The following BTBD9 variants were observed in gnomAD, a reference collection of about 807,000 sequenced individuals.
BTBD9 encodes the protein BTB/POZ domain-containing protein 9.
BTBD9 carries 49 observed loss-of-function variants against 64.3 expected under a neutral mutation model. The ratio of observed to expected loss-of-function variants is 0.76; its 90% CI spans 0.61 to 0.97. BTBD9 has a LOEUF of 0.97. Among genes scored for constraint, BTBD9 ranks in the 50% least tolerant of loss-of-function variants. The pLI, the probability that BTBD9 is intolerant of heterozygous loss-of-function variation, is 0.00. For missense variants in BTBD9, 598 were observed against 762.1 expected (o/e 0.78, Z 2.53); for synonymous variants, 260 against 274.7 (o/e 0.95, Z 0.53).
intron 6 of BTBD9, among the ~76,000 whole-genome samples, chr6:38,372,807 A>C (rs1411814197): frequency 3.3e-5 from 5 of 152,122 alleles, no homozygotes; most frequent in Admixed American, 3.3e-4. Context: ...ACACATCCAA[A>C]TGCCTTCCAT....
intron 6 of BTBD9, among the ~76,000 whole-genome samples, chr6:38,428,655 T>C (rs1020888320): frequency 2.6e-5 from 4 of 151,680 alleles, no homozygotes; most frequent in African/African-American, 4.9e-5. Flanking sequence ...AATGAATGGT[T>C]CCCAAACAAC....
intron 9 of BTBD9, among the ~76,000 whole-genome samples, chr6:38,222,832 G>A (rs1407442713): frequency 6.6e-6 from 1 of 152,216 alleles, no homozygotes; most frequent in East Asian, 1.9e-4. Flanking sequence ...AAGGAGGTTT[G>A]TAGCCTCACA....
intron 6 of BTBD9, among the ~76,000 whole-genome samples, chr6:38,511,929 A>G (rs1404876140): frequency 6.6e-6 from 1 of 152,136 alleles, no homozygotes; most frequent in East Asian, 1.9e-4. Flanking sequence ...AGCTCAGAGT[A>G]GGAATTTTGA....
intron 4 of BTBD9, 114 bp downstream of exon 4, chr6:38,592,461 AC>A: frequency 1.8e-6 from 2 of 1,113,890 alleles, no homozygotes; most frequent in Non-Finnish European, 2.6e-6. Flanking sequence ...CTGTTTATAA[AC>A]GTACATATTT....
At chr6:38,507,899 T>C (rs918596663) in intron 6 of BTBD9, among the ~76,000 whole-genome samples, 1 of 150,006 alleles carries the variant, frequency 6.7e-6, no homozygotes, top group African/African-American at 2.5e-5. Flanking sequence ...AGTGGCGCGA[T>C]CTCGGCTCAC....
intron 6 of BTBD9, among the ~76,000 whole-genome samples, chr6:38,508,424 C>T (rs1330081983): frequency 6.6e-6 from 1 of 152,098 alleles, no homozygotes; most frequent in Non-Finnish European, 1.5e-5. Flanking sequence ...TCAGTGTGTT[C>T]TACAAATGAA....
chr6:38,469,961 T>C (rs1770572914), intron 6 of BTBD9, among the ~76,000 whole-genome samples: 1 of 152,196 alleles, frequency 6.6e-6, no homozygotes, highest in South Asian at 2.1e-4. Context: ...CAAAATTTTA[T>C]CACTGTCAGA....
At chr6:38,377,569 C>T (rs1765741507) in intron 6 of BTBD9, among the ~76,000 whole-genome samples, 1 of 152,142 alleles carries the variant, frequency 6.6e-6, no homozygotes, top group Non-Finnish European at 1.5e-5. Context: ...AGAACATGCA[C>T]AGGTGCATAC....
intron 8 of BTBD9, among the ~76,000 whole-genome samples, chr6:38,265,091 G>A (rs948675830): frequency 1.3e-5 from 2 of 151,972 alleles, no homozygotes; most frequent in Non-Finnish European, 2.9e-5. Flanking sequence ...GGGAAGAAAC[G>A]ATGGCACTGA....
chr6:38,359,903 G>A (rs1156686923), intron 6 of BTBD9, among the ~76,000 whole-genome samples: 1 of 149,008 alleles, frequency 6.7e-6, no homozygotes, highest in Non-Finnish European at 1.5e-5. Context: ...TTGGACCTCT[G>A]TTTTCATTGA....
At chr6:38,533,986 G>T (rs951159015) in intron 6 of BTBD9, among the ~76,000 whole-genome samples, 1 of 151,716 alleles carries the variant, frequency 6.6e-6, no homozygotes, top group African/African-American at 2.4e-5. Context: ...TTAAAAAAGA[G>T]CAAATCAAAC....
chr6:38,341,997 G>T (rs1237130901), intron 7 of BTBD9, among the ~76,000 whole-genome samples: 1 of 152,158 alleles, frequency 6.6e-6, no homozygotes, highest in Non-Finnish European at 1.5e-5. Flanking sequence ...CATAAAAATG[G>T]GAAAGAACCC....
At chr6:38,621,570 T>C (rs898207953) in intron 1 of BTBD9, among the ~76,000 whole-genome samples, 1 of 152,168 alleles carries the variant, frequency 6.6e-6, no homozygotes, top group African/African-American at 2.4e-5. Context: ...TAGTGGTGCT[T>C]ACCCAAGCCT....
At chr6:38,193,714 C>T (rs1380955075) in intron 9 of BTBD9, 10 of 663,002 alleles carry the variant, frequency 1.5e-5, no homozygotes, top group Admixed American at 6.6e-5. Flanking sequence ...ATCCCTCCTC[C>T]GCTCTCACAG....
intron 6 of BTBD9, among the ~76,000 whole-genome samples, chr6:38,427,021 G>A (rs1440124527): frequency 1.3e-5 from 2 of 151,732 alleles, no homozygotes; most frequent in African/African-American, 4.9e-5. Flanking sequence ...TCTACGTTCT[G>A]TATCCTACAT....
chr6:38,256,803 T>C (rs957669042), intron 8 of BTBD9, among the ~76,000 whole-genome samples: 3 of 152,220 alleles, frequency 2.0e-5, no homozygotes, highest in Non-Finnish European at 4.4e-5. Flanking sequence ...CCAGATCACC[T>C]TTCCAGCTTC....
At chr6:38,452,648 G>C (rs964931968) in intron 6 of BTBD9, among the ~76,000 whole-genome samples, 23 of 151,970 alleles carry the variant, frequency 1.5e-4, no homozygotes, top group Admixed American at 1.5e-3. Flanking sequence ...AACATATGAA[G>C]AGTAGAAAGG....
chr6:38,402,788 C>T, intron 6 of BTBD9: 1 of 699,826 alleles, frequency 1.4e-6, no homozygotes, highest in Non-Finnish European at 2.6e-6. Context: ...CCTAAATCAG[C>T]AAGACTTGGT....
At position 38,171,003 on chromosome 6, in the gene BTBD9, T is replaced by A. The variant is rs1766734166; in HGVS notation, c.*3982A>T. On this transcript the variant is annotated 3_prime_UTR_variant, in exon 11 of 11. Coordinates refer to ENST00000481247, the MANE Select transcript of BTBD9 (RefSeq NM_001099272.2). ...TCCTGGAAGGAAGCAAATTTAATTT[T>A]CTTTTCCTCTTTGACACCTTTCTTC... 1 of 152,296 alleles carries A rather than the reference T, an allele frequency of 6.6e-6. No individual in the cohort carries two copies. Among genetic ancestry groups the A allele is most frequent in the Non-Finnish European group, 1.5e-5 (1 of 68,054 alleles). 9.4% of individuals were successfully genotyped at this position (152,296 alleles called of 1,614,324 possible).
Sources: allele counts gnomAD v4.1 joint callset (sites outside exome capture counted in the v4.1 genomes callset), GRCh38; gene constraint gnomAD v4.1.1; transcripts MANE v1.5; gene names NCBI Gene and HGNC (gene_info 2026-07-23, HGNC 2026-07-21).